Variants in KCNMB2 observed in about 807,000 individuals in gnomAD.
KCNMB2 encodes the protein calcium-activated potassium channel subunit beta-2.
Under a neutral mutation model 24.5 loss-of-function variants are expected in KCNMB2, and 9 were observed. That is an observed-to-expected ratio of 0.37 (90% CI 0.22 to 0.64). KCNMB2 has a LOEUF of 0.64. Ranked by LOEUF, KCNMB2 falls within the 30% of genes least tolerant of loss-of-function variation. The probability of loss-of-function intolerance (pLI) is 0.63; values close to 1 mark genes in which losing one functional copy is unlikely to be tolerated. For missense variants in KCNMB2, 226 were observed against 284.3 expected (o/e 0.79, Z 1.47); for synonymous variants, 109 against 104.4 (o/e 1.04, Z -0.27).
intron 1 of KCNMB2, among the ~76,000 whole-genome samples, chr3:178,585,265 G>A (rs1717386573): frequency 6.6e-6 from 1 of 152,190 alleles, no homozygotes; most frequent in Admixed American, 6.5e-5. Flanking sequence ...TCGAATTTCA[G>A]TGGCTCTTTT....
chr3:178,577,528 T>C (rs977646248), intron 1 of KCNMB2, among the ~76,000 whole-genome samples: 6 of 152,134 alleles, frequency 3.9e-5, no homozygotes, highest in African/African-American at 1.4e-4. Context: ...GTTTGATGAA[T>C]TGACAGAAGT....
chr3:178,781,813 A>C (rs1183670138), intron 1 of KCNMB2, among the ~76,000 whole-genome samples: 2 of 150,122 alleles, frequency 1.3e-5, no homozygotes, highest in Non-Finnish European at 3.0e-5. Context: ...ATTATACTTT[A>C]AGTTTTAGGG....
At chr3:178,708,440 T>C (rs1438504486) in intron 1 of KCNMB2, among the ~76,000 whole-genome samples, 1 of 152,192 alleles carries the variant, frequency 6.6e-6, no homozygotes, top group Non-Finnish European at 1.5e-5. Flanking sequence ...AAAATGCTAT[T>C]GTTTACCTCA....
chr3:178,624,597 T>A (rs1355159588), intron 1 of KCNMB2, among the ~76,000 whole-genome samples: 3 of 70,476 alleles, frequency 4.3e-5, no homozygotes, highest in Admixed American at 3.2e-4. Context: ...TTTTTTTCTT[T>A]CTTTTTTTTT....
chr3:178,566,439 C>T (rs755507765), intron 1 of KCNMB2, among the ~76,000 whole-genome samples: 1 of 152,138 alleles, frequency 6.6e-6, no homozygotes, highest in Non-Finnish European at 1.5e-5. Context: ...CATGTGCACA[C>T]ACACATACAC....
Position 178,807,436 on chromosome 3 carries a change from C to A in KCNMB2, c.27C>A (p.Thr9=). The stretch of plus-strand genomic sequence containing the variant: ...TGTTTATATGGACCAGTGGCCGGAC[C>A]TCTTCATCTTATAGACATGATGAAA... MFIWTSGR[T]SSSYRHDEKR... Residue 9 remains threonine, a synonymous_variant, in exon 2 of 5, where the codon ACC becomes ACA. Transcript: ENST00000452583. 1 of 1,613,832 alleles carries A rather than the reference C, an allele frequency of 6.2e-7. No individual in the cohort carries two copies. Among genetic ancestry groups the A allele is most frequent in the Non-Finnish European group, 8.5e-7 (1 of 1,179,786 alleles).
chr3:178,659,438 G>A (rs1720450774), intron 1 of KCNMB2, among the ~76,000 whole-genome samples: 1 of 152,184 alleles, frequency 6.6e-6, no homozygotes, highest in African/African-American at 2.4e-5. Context: ...TCTCCAGATA[G>A]TGATATTAGT....
intron 2 of KCNMB2, among the ~76,000 whole-genome samples, chr3:178,810,117 T>C (rs1325178275): frequency 6.6e-6 from 1 of 152,224 alleles, no homozygotes; most frequent in African/African-American, 2.4e-5. Flanking sequence ...TCTGTGGCTC[T>C]GTTTAAGGTG....
At chr3:178,605,134 TTAGGA>T (rs1297469035) in intron 1 of KCNMB2, among the ~76,000 whole-genome samples, 1 of 152,174 alleles carries the variant, frequency 6.6e-6, no homozygotes, top group Non-Finnish European at 1.5e-5. Context: ...TATTATGGTA[TTAGGA>T]AGCAAGACCT....
intron 1 of KCNMB2, among the ~76,000 whole-genome samples, chr3:178,538,879 T>C (rs1715495938): frequency 6.6e-6 from 1 of 152,208 alleles, no homozygotes; most frequent in African/African-American, 2.4e-5. Flanking sequence ...TTTACATTGG[T>C]AGATACCAGC....
intron 1 of KCNMB2, among the ~76,000 whole-genome samples, chr3:178,559,781 G>A (rs577765587): frequency 6.1e-4 from 91 of 150,060 alleles, no homozygotes; most frequent in Middle Eastern, 3.4e-3. Context: ...TCCACTTTGC[G>A]AAAATGATTA....
At chr3:178,811,921 T>G (rs768751927) in intron 2 of KCNMB2, among the ~76,000 whole-genome samples, 1 of 152,210 alleles carries the variant, frequency 6.6e-6, no homozygotes, top group Non-Finnish European at 1.5e-5. Flanking sequence ...TGAGATTGAG[T>G]ATATTTCCTT....
intron 1 of KCNMB2, among the ~76,000 whole-genome samples, chr3:178,633,119 C>G (rs934914288): frequency 1.3e-5 from 2 of 152,168 alleles, no homozygotes; most frequent in South Asian, 2.1e-4. Context: ...AGGGTACAGC[C>G]CCCCCGCCAG....
chr3:178,665,500 T>G (rs924329357), intron 1 of KCNMB2, among the ~76,000 whole-genome samples: 2 of 152,192 alleles, frequency 1.3e-5, no homozygotes, highest in Non-Finnish European at 2.9e-5. Context: ...TTCTTTATAG[T>G]GTTTCAAAAC....
chr3:178,645,630 A>C (rs1049966805), intron 1 of KCNMB2, among the ~76,000 whole-genome samples: 1 of 152,096 alleles, frequency 6.6e-6, no homozygotes, highest in African/African-American at 2.4e-5. Flanking sequence ...GTATCTATTC[A>C]TTCACTGGTT....
chr3:178,617,891 A>C (rs1373213885), intron 1 of KCNMB2, among the ~76,000 whole-genome samples: 37 of 47,142 alleles, frequency 7.8e-4, no homozygotes, highest in African/African-American at 7.0e-3. Context: ...ACTCTGTCTA[A>C]AAAAAAAAAA....
At chr3:178,651,326 C>A (rs987131697) in intron 1 of KCNMB2, among the ~76,000 whole-genome samples, 2 of 152,052 alleles carry the variant, frequency 1.3e-5, no homozygotes, top group Non-Finnish European at 2.9e-5. Context: ...ACAATTGCCA[C>A]AAAGAGAATA....
intron 1 of KCNMB2, among the ~76,000 whole-genome samples, chr3:178,682,607 T>C (rs568157766): frequency 1.8e-4 from 27 of 152,042 alleles, no homozygotes; most frequent in Non-Finnish European, 2.9e-4. Context: ...CTAATTAATT[T>C]TGATGATTTA....
chr3:178,557,968 C>CGTCAG (rs1233338960), intron 1 of KCNMB2, among the ~76,000 whole-genome samples: 1 of 152,156 alleles, frequency 6.6e-6, no homozygotes, highest in Non-Finnish European at 1.5e-5. Context: ...GGCCTCCTGA[C>CGTCAG]CTCTGCTGTG....
Sources: allele counts gnomAD v4.1 joint callset (sites outside exome capture counted in the v4.1 genomes callset), GRCh38; gene constraint gnomAD v4.1.1; transcripts MANE v1.5; gene names NCBI Gene and HGNC (gene_info 2026-07-23, HGNC 2026-07-21).